ACTN1: variants seen among roughly 807,000 people sequenced by gnomAD.
The protein encoded by ACTN1 is alpha-actinin-1.
Under a neutral mutation model 119.6 loss-of-function variants are expected in ACTN1, and 30 were observed. The observed-to-expected ratio is 0.25, with a 90% CI of 0.19 to 0.34. The LOEUF is 0.34. Ranked by LOEUF, ACTN1 falls within the 10% of genes least tolerant of loss-of-function variation. The pLI is 1.00. For missense variants in ACTN1, 764 were observed against 1,223.4 expected, an observed-to-expected ratio of 0.62 and a Z score of 5.60; for synonymous variants, 429 against 472.6, an observed-to-expected ratio of 0.91 and a Z score of 1.20.
At chr14:68,922,403 T>C (rs1033310828) in intron 2 of ACTN1, among the ~76,000 whole-genome samples, 1 of 152,222 alleles carries the variant, frequency 6.6e-6, no homozygotes, top group Non-Finnish European at 1.5e-5. Flanking sequence ...GACTTTCCAC[T>C]TGGGGCCCTC....
At chr14:68,893,620 C>T (rs200771540) in intron 9 of ACTN1, 35 bp downstream of exon 9, 5 of 1,602,304 alleles carry the variant, frequency 3.1e-6, no homozygotes, top group Admixed American at 3.3e-5. Flanking sequence ...CTGACTCTTG[C>T]TAGAGTCAGG....
At chr14:68,913,275 T>C (rs1301490827) in intron 3 of ACTN1, among the ~76,000 whole-genome samples, 1 of 152,210 alleles carries the variant, frequency 6.6e-6, no homozygotes, top group Non-Finnish European at 1.5e-5. Context: ...GGTCTTGTGG[T>C]TGAACAAGTG....
At chr14:68,978,766 G>A (rs1406014570) in intron 1 of ACTN1, 186 bp downstream of exon 1, 6 of 416,354 alleles carry the variant, frequency 1.4e-5, no homozygotes, top group Admixed American at 4.8e-5. Context: ...CGGGGCAGGG[G>A]CGCTCCCGCT....
chr14:68,881,933 C>CTTTTTTTTTTTT (rs1566592304), intron 16 of ACTN1, among the ~76,000 whole-genome samples: 3 of 70,928 alleles, frequency 4.2e-5, no homozygotes, highest in African/African-American at 2.8e-4. Context: ...TCATAGGCAG[C>CTTTTTTTTTTTT]TTCTTTTTTT....
At chr14:68,920,470 C>T (rs575742696) in intron 3 of ACTN1, among the ~76,000 whole-genome samples, 33 of 152,318 alleles carry the variant, frequency 2.2e-4, no homozygotes, top group Non-Finnish European at 3.5e-4. Context: ...TTCTTTTAAT[C>T]ATTAAGGAAA....
intron 1 of ACTN1, among the ~76,000 whole-genome samples, chr14:68,945,337 A>G (rs1245879950): frequency 6.6e-6 from 1 of 151,834 alleles, no homozygotes; most frequent in Non-Finnish European, 1.5e-5. Context: ...AACTAGCCAC[A>G]TGGGTGTTCG....
At position 68,880,187 on chromosome 14, in the gene ACTN1, A is replaced by T. The variant is rs2031363200; in HGVS notation, c.2134-79T>A. 1 of 1,540,574 alleles carries T rather than the reference A, an allele frequency of 6.5e-7. No individual in the cohort carries two copies. The highest frequency in any genetic ancestry group is 1.4e-5 in the African/African-American group (1 of 72,824). The stretch of plus-strand genomic sequence containing the variant: ...GCGGCCCCTGCCCATCCTACTCCCC[A>T]ACCATCAAAATGGCCAAAGCCATCA... On this transcript the variant is annotated intron_variant, in intron 17 of 21. Transcript: ENST00000394419. The surrounding 1 kb of genome is among the most constrained non-coding windows in gnomAD (Gnocchi z 4.6).
chr14:68,947,699 G>A (rs965214604), intron 1 of ACTN1, among the ~76,000 whole-genome samples: 1 of 152,168 alleles, frequency 6.6e-6, no homozygotes, highest in African/African-American at 2.4e-5. Flanking sequence ...CAGGAGAAAG[G>A]GGCATCCTAC....
intron 1 of ACTN1, chr14:68,973,671 A>G (rs2012764): frequency 0.19 from 28,285 of 152,124 alleles, 2,790 homozygotes; most frequent in Non-Finnish European, 0.22. Context: ...TCTGAGCCCT[A>G]GTTTGCTGTG....
chr14:68,877,797 T>G (rs2031065599), intron 20 of ACTN1: 1 of 156,440 alleles, frequency 6.4e-6, no homozygotes, highest in Non-Finnish European at 1.4e-5. Flanking sequence ...TTCCTTCATT[T>G]AATCCTTGTA....
At chr14:68,912,791 G>A (rs1486078088) in intron 3 of ACTN1, among the ~76,000 whole-genome samples, 1 of 152,150 alleles carries the variant, frequency 6.6e-6, no homozygotes, top group Non-Finnish European at 1.5e-5. Flanking sequence ...GGTACATCAG[G>A]GAAGGCCACA....
At chr14:68,913,999 G>T (rs2034151329) in intron 3 of ACTN1, among the ~76,000 whole-genome samples, 1 of 152,144 alleles carries the variant, frequency 6.6e-6, no homozygotes, top group Non-Finnish European at 1.5e-5. Context: ...AAGACAGGTG[G>T]ATTGCTTGAA....
At chr14:68,977,823 T>C in intron 1 of ACTN1, 2 of 365,774 alleles carry the variant, frequency 5.5e-6, no homozygotes, top group Non-Finnish European at 1.1e-5. Flanking sequence ...CAAAACCCCA[T>C]TCCCAGATCA....
chr14:68,923,110 C>T (rs1191190027), intron 2 of ACTN1, among the ~76,000 whole-genome samples: 3 of 152,232 alleles, frequency 2.0e-5, no homozygotes, highest in Non-Finnish European at 4.4e-5. Context: ...CACTGGGTAT[C>T]ATGAGGACAA....
intron 1 of ACTN1, among the ~76,000 whole-genome samples, chr14:68,973,488 C>T (rs566787552): frequency 8.5e-5 from 13 of 152,296 alleles, no homozygotes; most frequent in African/African-American, 7.2e-5. Flanking sequence ...CTTCCCCTTC[C>T]GCCATGATTT....
intron 8 of ACTN1, among the ~76,000 whole-genome samples, chr14:68,895,467 C>A (rs2032804793): frequency 6.6e-6 from 1 of 152,170 alleles, no homozygotes; most frequent in Non-Finnish European, 1.5e-5. Flanking sequence ...AGGCCAGCAG[C>A]CTCATGGGAC....
chr14:68,886,599 T>A (rs933402942), intron 11 of ACTN1: 1 of 152,056 alleles, frequency 6.6e-6, no homozygotes, highest in Non-Finnish European at 1.5e-5. Context: ...ATCGAGACCA[T>A]CCTGGCCAAC....
intron 12 of ACTN1, 93 bp from the exon 13 acceptor site, chr14:68,884,976 G>T: frequency 9.2e-7 from 1 of 1,085,548 alleles, no homozygotes; most frequent in Non-Finnish European, 1.4e-6. Context: ...GTGGCTGGTG[G>T]TGCTGGGAAG....
Position 68,878,139 on chromosome 14 carries a change from A to C in ACTN1, c.2427+319T>G, listed in dbSNP as rs952030217. On this transcript the variant is annotated intron_variant, in intron 20 of 21. Transcript: ENST00000394419. This position sits in a 1 kb window ranked among gnomAD's most constrained non-coding sequence, Gnocchi z 4.4. ...GTGAGGTGACGCATGCCAGCCCGAA[A>C]CCTGGGATGTCCCACACCACCAGTC... is the stretch of plus-strand genomic sequence containing the variant. 10 of 283,948 alleles carry C rather than the reference A, an allele frequency of 3.5e-5. No homozygotes were observed. The highest frequency in any genetic ancestry group is 5.9e-5 in the Non-Finnish European group (9 of 151,414). The allele number at this position is 283,948 out of a possible 1,614,324, so 17.6% of individuals were successfully genotyped here.
Sources: allele counts gnomAD v4.1 joint callset (sites outside exome capture counted in the v4.1 genomes callset), GRCh38; gene constraint gnomAD v4.1.1; non-coding constraint Gnocchi (gnomAD v3.1); transcripts MANE v1.5; gene names NCBI Gene and HGNC (gene_info 2026-07-23, HGNC 2026-07-21).